IGFL4: variants seen among roughly 807,000 people sequenced by gnomAD.
IGFL4 encodes the protein insulin growth factor-like family member 4.
In IGFL4, 12 loss-of-function variants were observed where a neutral mutation model predicts 15.4. The ratio of observed to expected loss-of-function variants is 0.78; its 90% CI spans 0.50 to 1.26. The LOEUF is 1.26. Among genes scored for constraint, IGFL4 ranks in the 50% most tolerant of loss-of-function variants. The pLI, the probability that IGFL4 is intolerant of heterozygous loss-of-function variation, is 0.00. For synonymous variants in IGFL4, 54 were observed against 55.9 expected, an observed-to-expected ratio of 0.97 and a Z score of 0.16; for missense variants, 126 against 147.8, an observed-to-expected ratio of 0.85 and a Z score of 0.76.
At chr19:46,065,478 T>G (rs1969486200) in intron 1 of IGFL4, among the ~76,000 whole-genome samples, 1 of 152,234 alleles carries the variant, frequency 6.6e-6, no homozygotes, top group African/African-American at 2.4e-5. Context: ...CCAGCTAATT[T>G]TTGTATTTTT....
chr19:46,075,529 C>T (rs1350652471), intron 1 of IGFL4, among the ~76,000 whole-genome samples: 1 of 152,088 alleles, frequency 6.6e-6, no homozygotes, highest in Non-Finnish European at 1.5e-5. Flanking sequence ...TGTGATTTTT[C>T]CCTCTAATGA....
At chr19:46,064,775 C>A (rs1408828185) in intron 1 of IGFL4, among the ~76,000 whole-genome samples, 1 of 152,172 alleles carries the variant, frequency 6.6e-6, no homozygotes, top group East Asian at 1.9e-4. Flanking sequence ...GCAGGTATCT[C>A]TTCAATATAT....
At chr19:46,053,545 A>G (rs1969367478) in intron 2 of IGFL4, among the ~76,000 whole-genome samples, 1 of 152,132 alleles carries the variant, frequency 6.6e-6, no homozygotes, top group Admixed American at 6.6e-5. Flanking sequence ...GGTTGATTCC[A>G]TATCTTGGTT....
intron 2 of IGFL4, among the ~76,000 whole-genome samples, chr19:46,055,655 G>C (rs1969386096): frequency 6.6e-6 from 1 of 152,140 alleles, no homozygotes; most frequent in African/African-American, 2.4e-5. Flanking sequence ...TGGAAAGAGA[G>C]CTTTAGAGAT....
rs374207116 is a variant in IGFL4 at position 46,039,982 on chromosome 19, T to TAGC, written c.331-49_331-47dup. 3 of 1,509,374 alleles carry TAGC rather than the reference T, an allele frequency of 2.0e-6. No individual in the cohort carries two copies. In the African/African-American group the frequency reaches 4.1e-5, roughly 21 times the overall value. The allele number at this position is 1,509,374 out of a possible 1,614,324, so 93.5% of individuals were successfully genotyped here. ...GAGAGGGGAATAAGAGGGAGGGTGG[T>TAGC]AGCAGCAGTGGCGGGGAAGGAACAG... On this transcript the variant is annotated intron_variant, in intron 3 of 3. Coordinates refer to ENST00000377697, the MANE Select transcript of IGFL4 (RefSeq NM_001002923.3).
In IGFL4 at chr19:46,070,223, C is replaced by T. The variant is rs1299974084; in HGVS notation, c.-432+6797G>A. 5.3e-5 allele frequency among the ~76,000 whole-genome samples: 8 copies of T among 151,272 alleles called. No individual in the cohort carries two copies. In the East Asian group the frequency reaches 1.6e-3, roughly 29 times the overall value. On this transcript the variant is annotated intron_variant, in intron 1 of 5. Transcript: ENST00000601672. ...GTGATTCACATCCACGGGACAAAAA[C>T]TCAAGGAGAAATAAGAGCTGACGTC...
chr19:46,054,554 G>C (rs1399695554), intron 2 of IGFL4, among the ~76,000 whole-genome samples: 1 of 152,154 alleles, frequency 6.6e-6, no homozygotes, highest in African/African-American at 2.4e-5. Context: ...TTCCAGCTTT[G>C]TTCTTTTTAC....
At chr19:46,052,966 G>GAAAAA (rs71175255) in intron 2 of IGFL4, among the ~76,000 whole-genome samples, 1 of 112,460 alleles carries the variant, frequency 8.9e-6, no homozygotes, top group Non-Finnish European at 1.8e-5. Context: ...AGTCAGAAAA[G>GAAAAA]AAAAAAAAAA....
intron 2 of IGFL4, chr19:46,060,116 T>A (rs570437884): frequency 4.8e-4 from 73 of 152,346 alleles, no homozygotes; most frequent in African/African-American, 1.7e-3. Flanking sequence ...TGTGTCTGTT[T>A]GCAAAAGAAA....
intron 2 of IGFL4, among the ~76,000 whole-genome samples, chr19:46,055,606 A>G (rs1180085801): frequency 6.6e-6 from 1 of 152,226 alleles, no homozygotes; most frequent in Non-Finnish European, 1.5e-5. Context: ...AAAAAAAACT[A>G]CATCATTAAT....
intron 2 of IGFL4, among the ~76,000 whole-genome samples, chr19:46,050,403 TAAAG>T (rs915487526): frequency 5.9e-5 from 9 of 151,822 alleles, no homozygotes; most frequent in South Asian, 2.1e-4. Context: ...AAGTCCAACT[TAAAG>T]AAATAAAAAA....
intron 1 of IGFL4, among the ~76,000 whole-genome samples, chr19:46,063,847 T>C (rs1368714263): frequency 6.6e-6 from 1 of 152,206 alleles, no homozygotes; most frequent in African/African-American, 2.4e-5. Context: ...TGCTCATGGA[T>C]TGGATTTCTT....
At chr19:46,052,068 A>G (rs1054892193) in intron 2 of IGFL4, among the ~76,000 whole-genome samples, 1 of 152,228 alleles carries the variant, frequency 6.6e-6, no homozygotes, top group Non-Finnish European at 1.5e-5. Context: ...ATAGCACTAG[A>G]CAGGTCATCA....
At chr19:46,053,237 CGTT>C (rs1483566323) in intron 2 of IGFL4, among the ~76,000 whole-genome samples, 3 of 152,128 alleles carry the variant, frequency 2.0e-5, no homozygotes, top group African/African-American at 4.8e-5. Flanking sequence ...TTGTTTGAGA[CGTT>C]GTCTCACTGT....
At chr19:46,065,755 G>A (rs774834259) in intron 1 of IGFL4, among the ~76,000 whole-genome samples, 13 of 152,188 alleles carry the variant, frequency 8.5e-5, no homozygotes, top group African/African-American at 1.2e-4. Context: ...CAATGATTAC[G>A]CCTCTTTCTC....
At chr19:46,044,731 C>T (rs973294052), upstream of IGFL4, among the ~76,000 whole-genome samples, 2 of 152,168 alleles carry the variant, frequency 1.3e-5, no homozygotes, top group African/African-American at 4.8e-5. Flanking sequence ...CCACCTCCTA[C>T]AGGGACGTTT....
At position 46,040,597 on chromosome 19, in the gene IGFL4, T is replaced by C; in HGVS notation, c.20-29A>G. 1 of 1,613,278 alleles carries C rather than the reference T, an allele frequency of 6.2e-7. No homozygotes were observed. The highest frequency in any genetic ancestry group is 8.5e-7 in the Non-Finnish European group (1 of 1,179,562). On this transcript the variant is annotated intron_variant, in intron 1 of 3. Coordinates refer to ENST00000377697, the MANE Select transcript of IGFL4 (RefSeq NM_001002923.3). The surrounding 1 kb of genome is among the most constrained non-coding windows in gnomAD (Gnocchi z 4.1). ...AGAAGCAGAAGGAGAGCGAGAATGA[T>C]TCTGAGGTCACTAGGTCTTGACCAC...
intron 1 of IGFL4, among the ~76,000 whole-genome samples, chr19:46,074,603 C>T (rs1969577871): frequency 6.6e-6 from 1 of 152,026 alleles, no homozygotes; most frequent in African/African-American, 2.4e-5. Flanking sequence ...TGTTTGAGGG[C>T]AGGAAGCATC....
chr19:46,065,427 T>C (rs1969485854), intron 1 of IGFL4, among the ~76,000 whole-genome samples: 1 of 152,226 alleles, frequency 6.6e-6, no homozygotes, highest in Non-Finnish European at 1.5e-5. Flanking sequence ...GTTCAAGTGA[T>C]TCTCCCAAGT....
Sources: allele counts gnomAD v4.1 joint callset (sites outside exome capture counted in the v4.1 genomes callset), GRCh38; gene constraint gnomAD v4.1.1; non-coding constraint Gnocchi (gnomAD v3.1); transcripts MANE v1.5; gene names NCBI Gene and HGNC (gene_info 2026-07-23, HGNC 2026-07-21).